The following CRISPLD2 variants were observed in gnomAD, a reference collection of about 807,000 sequenced individuals.
CRISPLD2 encodes the protein cysteine rich secretory protein LCCL domain containing 2.
A neutral mutation model predicts 71.1 loss-of-function variants in CRISPLD2; 47 were observed. The ratio of observed to expected loss-of-function variants is 0.66; its 90% CI spans 0.52 to 0.84. CRISPLD2 has a LOEUF of 0.84. Among genes scored for constraint, CRISPLD2 ranks in the 40% least tolerant of loss-of-function variants. The pLI is 0.00. For synonymous variants in CRISPLD2, 317 were observed against 250.1 expected (o/e 1.27, Z -2.52); for missense variants, 830 against 651.1 (o/e 1.27, Z -2.99).
chr16:84,903,615 G>C (rs1192803116), intron 14 of CRISPLD2, among the ~76,000 whole-genome samples: 10 of 146,496 alleles, frequency 6.8e-5, no homozygotes, highest in African/African-American at 2.6e-4. Flanking sequence ...AAAAAAAAAA[G>C]CCCAAAGAGA....
At chr16:84,839,124 C>A (rs1363381713) in intron 2 of CRISPLD2, 1 of 366,140 alleles carries the variant, frequency 2.7e-6, no homozygotes, top group East Asian at 7.1e-5. Flanking sequence ...TAGGCTCAAG[C>A]AATCCTCCTG....
chr16:84,896,119 A>G (rs1266471154), intron 14 of CRISPLD2, among the ~76,000 whole-genome samples: 1 of 151,108 alleles, frequency 6.6e-6, no homozygotes, highest in South Asian at 2.1e-4. Context: ...ACTCACTGCA[A>G]CCTCTGCCTC....
intron 8 of CRISPLD2, among the ~76,000 whole-genome samples, chr16:84,870,513 G>A (rs1181116994): frequency 6.6e-6 from 1 of 152,030 alleles, no homozygotes; most frequent in East Asian, 1.9e-4. Context: ...TAGAGATGGG[G>A]TTTCACCAGG....
intron 2 of CRISPLD2, among the ~76,000 whole-genome samples, chr16:84,844,982 C>T (rs1275530394): frequency 6.6e-6 from 1 of 152,200 alleles, no homozygotes; most frequent in Non-Finnish European, 1.5e-5. Flanking sequence ...ACTGCCATTC[C>T]AGGACCAGCA....
At chr16:84,833,303 C>G (rs1361553263) in intron 1 of CRISPLD2, among the ~76,000 whole-genome samples, 1 of 152,166 alleles carries the variant, frequency 6.6e-6, no homozygotes, top group Admixed American at 6.5e-5. Flanking sequence ...GTGCTGAAAT[C>G]TGGTGTGTTT....
intron 1 of CRISPLD2, among the ~76,000 whole-genome samples, chr16:84,826,800 C>T (rs1335650074): frequency 1.3e-5 from 2 of 152,162 alleles, no homozygotes; most frequent in Non-Finnish European, 2.9e-5. Context: ...TATCTGGGGC[C>T]TGACACATCG....
chr16:84,858,882 G>A (rs890430391), intron 6 of CRISPLD2, among the ~76,000 whole-genome samples: 13 of 151,912 alleles, frequency 8.6e-5, no homozygotes, highest in African/African-American at 2.9e-4. Flanking sequence ...CACATCTGGT[G>A]CAGCAGGTGC....
Position 84,893,856 on chromosome 16 carries a change from C to T in CRISPLD2, c.1439+4493C>T, listed in dbSNP as rs375856602. Reference sequence around the variant, plus strand: ...ATTCCCAATAGGGGCTGTGGAAACCCAGCCTGGAGTCAGAGGGTGGCTCTG... The same window carrying T: ...ATTCCCAATAGGGGCTGTGGAAACCTAGCCTGGAGTCAGAGGGTGGCTCTG... On this transcript the variant is annotated intron_variant, in intron 14 of 14. Transcript: ENST00000262424. Among the ~76,000 whole-genome samples the T allele has an allele frequency of 8.8e-3, 1,341 of 152,336 alleles. 9 individuals are homozygous for T. Among genetic ancestry groups the T allele is most frequent in the South Asian group, 0.038 (181 of 4,824 alleles).
chr16:84,853,046 G>A (rs1917132627), intron 5 of CRISPLD2, among the ~76,000 whole-genome samples: 1 of 152,166 alleles, frequency 6.6e-6, no homozygotes, highest in African/African-American at 2.4e-5. Flanking sequence ...CAGCCTGGGT[G>A]ACAGAGCAAG....
At chr16:84,849,250 C>A in intron 3 of CRISPLD2, 135 bp from the exon 4 acceptor site, 1 of 864,724 alleles carries the variant, frequency 1.2e-6, no homozygotes, top group African/African-American at 1.7e-5. Flanking sequence ...TCCCGGCTGC[C>A]CGTGGCTGCT....
chr16:84,830,954 T>C (rs554477870), intron 1 of CRISPLD2, among the ~76,000 whole-genome samples: 72 of 152,298 alleles, frequency 4.7e-4, no homozygotes, highest in African/African-American at 1.7e-3. Context: ...ACCAAGGGAA[T>C]TGGCAAACAC....
intron 1 of CRISPLD2, 103 bp from the exon 2 acceptor site, chr16:84,838,319 G>A (rs923678261): frequency 6.8e-6 from 5 of 736,342 alleles, no homozygotes; most frequent in Non-Finnish European, 1.1e-5. Context: ...TTCCGCATCT[G>A]TAAAATGGAG....
intron 14 of CRISPLD2, among the ~76,000 whole-genome samples, chr16:84,901,612 C>G (rs2071754967): frequency 6.7e-6 from 1 of 150,302 alleles, no homozygotes; most frequent in Non-Finnish European, 1.5e-5. Context: ...GCTGGGATTA[C>G]AGGCATCTGC....
chr16:84,827,660 G>A (rs1480218632), intron 1 of CRISPLD2, among the ~76,000 whole-genome samples: 2 of 150,252 alleles, frequency 1.3e-5, no homozygotes, highest in Admixed American at 6.7e-5. Context: ...TTCACCTCCC[G>A]GATTCAAGCG....
At chr16:84,892,304 C>A (rs1051555488) in intron 14 of CRISPLD2, among the ~76,000 whole-genome samples, 1 of 152,198 alleles carries the variant, frequency 6.6e-6, no homozygotes, top group African/African-American at 2.4e-5. Flanking sequence ...TCGGGGGCAT[C>A]GTGCTGCATG....
chr16:84,877,407 C>G (rs2071528832), intron 11 of CRISPLD2, 31 bp from the exon 12 acceptor site: 1 of 1,608,976 alleles, frequency 6.2e-7, no homozygotes, highest in Non-Finnish European at 8.5e-7. Flanking sequence ...GTGCTGGGAC[C>G]TGACCCTTTC....
chr16:84,838,462 C>T lies in CRISPLD2; in HGVS notation c.-34C>T. On this transcript the variant is annotated 5_prime_UTR_variant, in exon 2 of 15. Coordinates refer to ENST00000262424, the MANE Select transcript of CRISPLD2 (RefSeq NM_031476.4). ...CTCTGCCCGAGGAGCCCAGGCTGCCCCGTGAGTCCCATAGTTGCTGCAGGA... is the reference window on the plus strand; with the variant it reads ...CTCTGCCCGAGGAGCCCAGGCTGCCTCGTGAGTCCCATAGTTGCTGCAGGA... 6.3e-7 allele frequency: 1 copy of T among 1,599,622 alleles called. No homozygotes were observed. Among genetic ancestry groups the T allele is most frequent in the Non-Finnish European group, 8.5e-7 (1 of 1,170,680 alleles).
intron 6 of CRISPLD2, among the ~76,000 whole-genome samples, chr16:84,865,664 A>G (rs1917516633): frequency 6.6e-6 from 1 of 152,134 alleles, no homozygotes; most frequent in South Asian, 2.1e-4. Flanking sequence ...TCCCCAGCAG[A>G]TATGCTCGTG....
At chr16:84,892,266 G>T (rs2071669292) in intron 14 of CRISPLD2, among the ~76,000 whole-genome samples, 2 of 152,196 alleles carry the variant, frequency 1.3e-5, no homozygotes. Flanking sequence ...TCTGGGAGGG[G>T]CCCAGCAGCC....
Sources: allele counts gnomAD v4.1 joint callset (sites outside exome capture counted in the v4.1 genomes callset), GRCh38; gene constraint gnomAD v4.1.1; transcripts MANE v1.5; gene names NCBI Gene and HGNC (gene_info 2026-07-23, HGNC 2026-07-21).